The following SOD2 variants were observed in gnomAD, a reference collection of about 807,000 sequenced individuals.
The protein encoded by SOD2 is superoxide dismutase [Mn], mitochondrial.
SOD2 carries 11 observed loss-of-function variants against 27.0 expected under a neutral mutation model. That is an observed-to-expected ratio of 0.41 (90% CI 0.26 to 0.67). The LOEUF (loss-of-function observed/expected upper bound fraction) is 0.67. Among genes scored for constraint, SOD2 ranks in the 30% least tolerant of loss-of-function variants. The pLI is 0.34. For synonymous variants in SOD2, 105 were observed against 103.0 expected (o/e 1.02, Z -0.12); for missense variants, 250 against 274.5 (o/e 0.91, Z 0.63).
At chr6:159,710,529 A>G (rs1263889618) in intron 1 of SOD2, among the ~76,000 whole-genome samples, 1 of 152,120 alleles carries the variant, frequency 6.6e-6, no homozygotes, top group Middle Eastern at 3.2e-3. Flanking sequence ...TACCCATTAT[A>G]CGGGATATAC....
At chr6:159,703,345 G>A (rs890673520) in intron 1 of SOD2, among the ~76,000 whole-genome samples, 5 of 151,882 alleles carry the variant, frequency 3.3e-5, no homozygotes, top group Non-Finnish European at 7.4e-5. Context: ...ATTCTGTTGT[G>A]TGTGTTTCAA....
At chr6:159,726,897 G>T (rs754596988) in intron 1 of SOD2, 7 of 1,288,994 alleles carry the variant, frequency 5.4e-6, no homozygotes, top group Non-Finnish European at 6.1e-6. Context: ...CGCCGCCCAC[G>T]GCCTCTCTCT....
chr6:159,692,980 G>T, intron 1 of SOD2, 117 bp from the exon 2 acceptor site: 1 of 1,345,070 alleles, frequency 7.4e-7, no homozygotes, highest in Non-Finnish European at 9.7e-7. Context: ...CCCTCCCTGC[G>T]GATCCCCGCT....
At chr6:159,693,071 C>T (rs775617790) in intron 1 of SOD2, 74 bp downstream of exon 1, 130 of 1,506,160 alleles carry the variant, frequency 8.6e-5, no homozygotes, top group Non-Finnish European at 1.1e-4. Context: ...CCACTGTCGC[C>T]ATTGCCGCGG....
At chr6:159,734,105 T>G (rs1778757387) in intron 1 of SOD2, among the ~76,000 whole-genome samples, 1 of 152,216 alleles carries the variant, frequency 6.6e-6, no homozygotes, top group African/African-American at 2.4e-5. Flanking sequence ...AACATGCTGT[T>G]GGAAGATTAT....
At chr6:159,752,024 C>G (rs1479088757) in intron 1 of SOD2, among the ~76,000 whole-genome samples, 1 of 150,334 alleles carries the variant, frequency 6.7e-6, no homozygotes, top group African/African-American at 2.5e-5. Flanking sequence ...GATCACGCCA[C>G]TGCACTCCAG....
upstream of SOD2, among the ~76,000 whole-genome samples, chr6:159,730,442 G>C (rs563019847): frequency 7.3e-5 from 11 of 151,564 alleles, no homozygotes; most frequent in Non-Finnish European, 1.3e-4. Context: ...TGTCATTTGC[G>C]CTAAAAAAAA....
upstream of SOD2, among the ~76,000 whole-genome samples, chr6:159,731,794 G>A (rs1282084014): frequency 6.6e-6 from 1 of 152,160 alleles, no homozygotes; most frequent in Non-Finnish European, 1.5e-5. Flanking sequence ...CAGAGATTTT[G>A]CTACTTTTGT....
At chr6:159,714,921 T>A (rs1339534698) in intron 1 of SOD2, among the ~76,000 whole-genome samples, 1 of 152,100 alleles carries the variant, frequency 6.6e-6, no homozygotes, top group Non-Finnish European at 1.5e-5. Context: ...TGCTGGCTTC[T>A]GGGATATATG....
chr6:159,693,320 GCCGCCCCGCCCCCCCCCCCCGCGGGCC>G (rs1200272769), upstream of SOD2: 4 of 375,618 alleles, frequency 1.1e-5, 1 homozygote, highest in African/African-American at 4.8e-5. Context: ...CAAGGGCACC[GCCGCCCCGCCCCCCCCCCCCGCGGGCC>G]CCGCCCCGCG....
At chr6:159,733,497 C>T (rs1369889939) in intron 1 of SOD2, among the ~76,000 whole-genome samples, 2 of 152,064 alleles carry the variant, frequency 1.3e-5, no homozygotes, top group African/African-American at 2.4e-5. Context: ...TGGCACATGC[C>T]TGTAGTCCCA....
At chr6:159,738,471 C>T (rs12204454) in intron 1 of SOD2, among the ~76,000 whole-genome samples, 44,669 of 152,008 alleles carry the variant, frequency 0.29, 7,384 homozygotes, top group African/African-American at 0.45. Flanking sequence ...TATGATAGTT[C>T]AATCATTTGC....
chr6:159,756,800 C>T (rs895517253), intron 1 of SOD2, among the ~76,000 whole-genome samples: 11 of 152,108 alleles, frequency 7.2e-5, no homozygotes, highest in Admixed American at 1.3e-4. Flanking sequence ...GACAAGGCCT[C>T]GCTATGTTGC....
chr6:159,761,691 C>G (rs1189671533), exon 1 of SOD2: 2 of 387,228 alleles, frequency 5.2e-6, no homozygotes, highest in South Asian at 3.6e-5. Context: ...TCGAGAAACC[C>G]TAAGATTTTT....
At chr6:159,736,164 CTAAT>C (rs1299954988) in intron 1 of SOD2, 2 of 1,206,064 alleles carry the variant, frequency 1.7e-6, no homozygotes, top group Non-Finnish European at 2.4e-6. Context: ...ATTTAGTTCA[CTAAT>C]AAATTGATTT....
chr6:159,739,265 T>C (rs976488966), intron 1 of SOD2, among the ~76,000 whole-genome samples: 6 of 152,222 alleles, frequency 3.9e-5, no homozygotes, highest in African/African-American at 7.2e-5. Flanking sequence ...TTAACAAATA[T>C]ATGGCTTGTT....
chr6:159,759,877 A>G (rs905807832), intron 1 of SOD2, among the ~76,000 whole-genome samples: 7 of 152,214 alleles, frequency 4.6e-5, no homozygotes, highest in African/African-American at 1.7e-4. Flanking sequence ...AGGAAACTCT[A>G]TATCCCTTGG....
chr6:159,692,277 T>C (rs770501957), intron 2 of SOD2: 26 of 656,720 alleles, frequency 4.0e-5, no homozygotes, highest in Non-Finnish European at 5.2e-5. Flanking sequence ...GACCAAACAT[T>C]TCCCCAAAGC....
At chr6:159,753,673 T>C in intron 1 of SOD2, 1 of 1,537,960 alleles carries the variant, frequency 6.5e-7, no homozygotes, top group East Asian at 2.3e-5. Context: ...TTTTTAAAAC[T>C]GCCAGTCATG....
Sources: allele counts gnomAD v4.1 joint callset (sites outside exome capture counted in the v4.1 genomes callset), GRCh38; gene constraint gnomAD v4.1.1; transcripts MANE v1.5; gene names NCBI Gene and HGNC (gene_info 2026-07-23, HGNC 2026-07-21).